NUDT8: variants seen among roughly 807,000 people sequenced by gnomAD.
NUDT8 encodes mitochondrial coenzyme A diphosphatase NUDT8.
NUDT8 carries 14 observed loss-of-function variants against 12.5 expected under a neutral mutation model. That is an observed-to-expected ratio of 1.12 (90% CI 0.74 to 1.75). The LOEUF (loss-of-function observed/expected upper bound fraction) is 1.75. NUDT8 is among the 40% of genes most tolerant of loss of function. NUDT8 has a pLI of 0.00. For missense variants in NUDT8, 337 were observed against 318.5 expected (o/e 1.06, Z -0.44); for synonymous variants, 163 against 156.2 (o/e 1.04, Z -0.33).
rs1033074433 is a variant in NUDT8 at position 67,629,486 on chromosome 11, G to C, written c.194+232C>G. 9.6e-5 allele frequency: 39 copies of C among 407,010 alleles called. 1 individual carries two copies. The highest frequency in any genetic ancestry group is 3.3e-4 in the South Asian group (5 of 15,082). The allele number at this position is 407,010 out of a possible 1,614,324, so 25.2% of individuals were successfully genotyped here. ...GGCCCAGGCGTGCGCGCAAGGACGC[G>C]TACGAGGGGCCCACGCGGCGAGGAC... On this transcript the variant is annotated intron_variant, in intron 1 of 3. Coordinates refer to ENST00000376693, the MANE Select transcript of NUDT8 (RefSeq NM_001243750.2).
chr11:67,629,129 C>A, intron 1 of NUDT8, 78 bp from the exon 2 acceptor site: 1 of 1,418,538 alleles, frequency 7.0e-7, no homozygotes, highest in African/African-American at 1.4e-5. Context: ...GCGGGGGGGG[C>A]CACTGGCCCA....
intron 2 of NUDT8, 63 bp downstream of exon 2, chr11:67,628,856 C>A (rs1591119764): frequency 1.3e-6 from 2 of 1,544,892 alleles, no homozygotes; most frequent in East Asian, 4.6e-5. Flanking sequence ...CCCTGGTAGC[C>A]CAGCTCCAGG....
intron 2 of NUDT8, 105 bp downstream of exon 2, chr11:67,628,814 T>A: frequency 1.4e-6 from 2 of 1,425,586 alleles, no homozygotes; most frequent in African/African-American, 2.9e-5. Context: ...CCACACTTTG[T>A]GCCCGTGGGG....
intron 2 of NUDT8, 82 bp downstream of exon 2, chr11:67,628,837 T>G: frequency 6.6e-7 from 1 of 1,510,316 alleles, no homozygotes; most frequent in Non-Finnish European, 8.9e-7. Flanking sequence ...CCATGACCAC[T>G]CTCCTGGTCC....
At chr11:67,629,681 C>T (rs907584280) in intron 1 of NUDT8, 37 bp downstream of exon 1, 5 of 1,315,936 alleles carry the variant, frequency 3.8e-6, no homozygotes, top group Non-Finnish European at 5.1e-6. Context: ...GCTCCTGTAG[C>T]CTCCGGCAAA....
chr11:67,629,031 T>A lies in NUDT8; in HGVS notation c.215A>T (p.Asp72Val), dbSNP rs1443243189. 1.9e-6 allele frequency: 3 copies of A among 1,612,004 alleles called. No homozygotes were observed. Among genetic ancestry groups the A allele is most frequent in the Middle Eastern group, 1.7e-4 (1 of 6,046 alleles). Residue 72 changes from aspartate to valine, a missense_variant, in exon 2 of 4, where the codon GAC (aspartate) becomes GTC (valine). Coordinates refer to ENST00000376693, the MANE Select transcript of NUDT8 (RefSeq NM_001243750.2). The stretch of plus-strand genomic sequence containing the variant: ...GTGCACCACATCTTGGTCAGCCGGG[T>A]CGCACTTGCCGCCTGGGAAACTAAA... ...GDVSFPGGKC[D>V]PADQDVVHTA...
chr11:67,628,196 C>T lies in NUDT8; in HGVS notation c.461G>A (p.Gly154Asp). 6.2e-7 allele frequency: 1 copy of T among 1,611,082 alleles called. No homozygotes were observed. Among genetic ancestry groups the T allele is most frequent in the Non-Finnish European group, 8.5e-7 (1 of 1,179,830 alleles). The change falls in exon 4 of 4, where the codon GGC (glycine) becomes GAC (aspartate). Residue 154 changes from glycine to aspartate, a missense_variant. Transcript: ENST00000376693. ...LAHLLQTQNQ[G>D]YTHFCRGGHF... ...GCCACCCCGGCAGAAGTGGGTATAG[C>T]CCTGATTCTGCGTCTGCAGCAGGTG... is the stretch of plus-strand genomic sequence containing the variant.
At chr11:67,628,480 C>T in intron 2 of NUDT8, 80 bp from the exon 3 acceptor site, 1 of 1,258,908 alleles carries the variant, frequency 7.9e-7, no homozygotes, top group Non-Finnish European at 1.1e-6. Flanking sequence ...GAGAGGAAGA[C>T]CCCTTTGCCA....
At chr11:67,629,504 G>C (rs1217442605) in intron 1 of NUDT8, 1 of 403,070 alleles carries the variant, frequency 2.5e-6, no homozygotes, top group African/African-American at 2.1e-5. Flanking sequence ...GGCCCACGCG[G>C]CGAGGACGTG....
Position 67,628,960 on chromosome 11 carries a change from C to A in NUDT8, c.286G>T (p.Glu96Ter), listed in dbSNP as rs199685467. Residue 96 changes from glutamate (E) to a stop codon, truncating the protein, a stop_gained, in exon 2 of 4, where the codon GAG becomes TAG. Transcript: ENST00000376693. LOFTEE classifies it high-confidence loss of function. ...TREELGLAVPEEHVWGLLRPV... is the reference protein window; with the variant it reads ...TREELGLAVP ...CGCAGCAGGCCCCACACGTGCTCCT[C>A]GGGCACTGCCAGGCCCAGCTCCTCC... 3 of 1,612,700 alleles carry A rather than the reference C, an allele frequency of 1.9e-6. No homozygotes were observed. The East Asian group carries it at 6.7e-5, about 36-fold the overall frequency.
chr11:67,628,485 T>A, intron 2 of NUDT8, 85 bp from the exon 3 acceptor site: 5 of 1,140,116 alleles, frequency 4.4e-6, no homozygotes, highest in Non-Finnish European at 6.4e-6. Flanking sequence ...GAAGACCCCT[T>A]TGCCATGCAT....
Position 67,628,905 on chromosome 11 carries a change from G to T in NUDT8, c.327+14C>A. 1 of 1,597,664 alleles carries T rather than the reference G, an allele frequency of 6.3e-7. No homozygotes were observed. Among genetic ancestry groups the T allele is most frequent in the Non-Finnish European group, 8.6e-7 (1 of 1,169,008 alleles). On this transcript the variant is annotated intron_variant, in intron 2 of 3. Coordinates refer to ENST00000376693, the MANE Select transcript of NUDT8 (RefSeq NM_001243750.2). Reference sequence around the variant, plus strand: ...GAGTGAATGGGGTGGGGTGGCCTCAGCCAAGTGGCTTACCGGATCATACAC... The same window carrying T: ...GAGTGAATGGGGTGGGGTGGCCTCATCCAAGTGGCTTACCGGATCATACAC...
Position 67,629,892 on chromosome 11 carries a change from G to C in NUDT8, c.20C>G (p.Ser7Trp). The C allele has an allele frequency of 2.4e-6, 3 of 1,239,502 alleles. No individual in the cohort carries two copies. The highest frequency in any genetic ancestry group is 3.0e-6 in the Non-Finnish European group (3 of 996,144). 76.8% of individuals were successfully genotyped at this position (1,239,502 alleles called of 1,614,324 possible). A position where few individuals can be genotyped will look rare whatever the true frequency, so the allele number is the denominator to read the frequency against. ...GCGGCAGCGCAGCTCGCCCTCGGCC[G>C]ACAGGCAGTCGGGCAGCATGTCAAG... MLPDCL[S>W]AEGELRCRRL... is the part of the protein sequence containing the mutation. The change falls in exon 1 of 4, where the codon TCG becomes TGG. Residue 7 changes from serine to tryptophan, a missense_variant. By Grantham distance (177) the Ser-to-Trp change is radical (BLOSUM62 -3). Transcript: ENST00000376693.
intron 1 of NUDT8, 94 bp downstream of exon 1, chr11:67,629,624 G>T: frequency 1.6e-6 from 1 of 626,652 alleles, no homozygotes; most frequent in Non-Finnish European, 2.4e-6. Context: ...CGGAAACCGA[G>T]GCTCGAAGGG....
intron 1 of NUDT8, 43 bp downstream of exon 1, chr11:67,629,675 C>A: frequency 1.6e-6 from 2 of 1,280,694 alleles, no homozygotes; most frequent in South Asian, 1.5e-5. Flanking sequence ...CCCCGGGCTC[C>A]TGTAGCCTCC....
chr11:67,629,082 A>C, intron 1 of NUDT8, 31 bp from the exon 2 acceptor site: 1 of 1,582,578 alleles, frequency 6.3e-7, no homozygotes, highest in East Asian at 2.3e-5. Flanking sequence ...TGGTCCTTGG[A>C]CTCTTGGGGC....
Position 67,628,141 on chromosome 11 carries a change from C to G in NUDT8, c.516G>C (p.Leu172=). 1 of 1,600,730 alleles carries G rather than the reference C, an allele frequency of 6.2e-7. No homozygotes were observed. The highest frequency in any genetic ancestry group is 1.7e-4 in the Middle Eastern group (1 of 6,060). Residue 172 remains leucine, a synonymous_variant, in exon 4 of 4, where the codon CTG becomes CTC. Coordinates refer to ENST00000376693, the MANE Select transcript of NUDT8 (RefSeq NM_001243750.2). ...GHFRYTLPVF[L]HGPHRVWGLT... is the part of the protein sequence containing the mutation. ...GGCCCCAGACCCGGTGTGGTCCATGCAGGAAGACGGGTAGTGTGTAGCGGA... is the reference window on the plus strand; with the variant it reads ...GGCCCCAGACCCGGTGTGGTCCATGGAGGAAGACGGGTAGTGTGTAGCGGA...
chr11:67,629,881 C>A lies in NUDT8; in HGVS notation c.31G>T (p.Glu11Ter), dbSNP rs1338499773. 1.7e-5 allele frequency: 21 copies of A among 1,243,620 alleles called. No individual in the cohort carries two copies. Among genetic ancestry groups the A allele is most frequent in the Admixed American group, 1.3e-4 (3 of 23,228 alleles). The allele number at this position is 1,243,620 out of a possible 1,614,324, so 77.0% of individuals were successfully genotyped here. Residue 11 changes from glutamate to a stop codon, truncating the protein, a stop_gained, in exon 1 of 4, where the codon GAG becomes TAG. Transcript: ENST00000376693. LOFTEE classifies it high-confidence loss of function. Reference protein sequence around the residue: MLPDCLSAEGELRCRRLLAGA... With the variant: MLPDCLSAEG ...GCCAGCAGCCGGCGGCAGCGCAGCT[C>A]GCCCTCGGCCGACAGGCAGTCGGGC...
rs1477624674 is a variant in NUDT8, at chr11:67,628,920, G to T, written c.326C>A (p.Pro109Gln). 2 of 1,605,180 alleles carry T rather than the reference G, an allele frequency of 1.2e-6. No individual in the cohort carries two copies. The highest frequency in any genetic ancestry group is 2.7e-5 in the African/African-American group (2 of 74,754). The part of the protein sequence containing the change: ...VWGLLRPVYD[P>Q]QKATVVPVLA... ...GGTGGCCTCAGCCAAGTGGCTTACC[G>T]GATCATACACAGGCCGCAGCAGGCC... The change falls in exon 2 of 4, where the codon CCG (proline) becomes CAG (glutamine). Residue 109 changes from proline to glutamine, a missense_variant and splice_region_variant. By Grantham distance (76) the Pro-to-Gln change is moderately conservative. Transcript: ENST00000376693.
Sources: allele counts gnomAD v4.1 joint callset, GRCh38; gene constraint gnomAD v4.1.1; transcripts MANE v1.5; gene names NCBI Gene and HGNC (gene_info 2026-07-23, HGNC 2026-07-21).